The following VDR variants were observed in gnomAD, a reference collection of about 807,000 sequenced individuals.
The protein encoded by VDR is vitamin D receptor.
Under a neutral mutation model 39.7 loss-of-function variants are expected in VDR, and 19 were observed. The ratio of observed to expected loss-of-function variants is 0.48; its 90% CI spans 0.33 to 0.70. VDR has a LOEUF of 0.70. VDR is among the 30% of genes least tolerant of loss of function. The pLI is 0.02. For synonymous variants in VDR, 242 were observed against 215.8 expected (o/e 1.12, Z -1.07); for missense variants, 442 against 570.5 (o/e 0.77, Z 2.29).
intron 7 of VDR, among the ~76,000 whole-genome samples, chr12:47,853,335 C>A (rs1460727696): frequency 6.6e-6 from 1 of 151,462 alleles, no homozygotes; most frequent in Admixed American, 6.6e-5. Flanking sequence ...CCCAGCTACT[C>A]GGGAGACTGA....
At chr12:47,860,032 G>A (rs1317823701) in intron 4 of VDR, among the ~76,000 whole-genome samples, 19 of 150,326 alleles carry the variant, frequency 1.3e-4, no homozygotes, top group East Asian at 2.0e-4. Context: ...GCACCACCTC[G>A]GCTCACTGCA....
At chr12:47,855,024 C>G (rs1945453786) in intron 7 of VDR, among the ~76,000 whole-genome samples, 1 of 152,044 alleles carries the variant, frequency 6.6e-6, no homozygotes, top group Non-Finnish European at 1.5e-5. Flanking sequence ...GAAACTCCGT[C>G]TCTACTAAAA....
In VDR at chr12:47,845,229, C is replaced by T. The variant is rs564526388; in HGVS notation, c.1025-224G>A. Among the ~76,000 whole-genome samples the T allele has an allele frequency of 3.3e-5, 5 of 152,108 alleles. 1 individual carries two copies. The highest frequency in any genetic ancestry group is 1.2e-4 in the African/African-American group (5 of 41,496). On this transcript the variant is annotated intron_variant, in intron 9 of 9. Coordinates refer to ENST00000549336, the MANE Select transcript of VDR (RefSeq NM_000376.3). ...TAGGTCCTTCCATGGGCGCACCTGGCCCTGTCCCTGCCTGGCCTTGCTCCC... is the reference window on the plus strand; with the variant it reads ...TAGGTCCTTCCATGGGCGCACCTGGTCCTGTCCCTGCCTGGCCTTGCTCCC...
At chr12:47,900,097 A>G (rs892312421) in intron 1 of VDR, 21 of 297,634 alleles carry the variant, frequency 7.1e-5, no homozygotes, top group Non-Finnish European at 9.0e-5. Context: ...CTTCCAGACT[A>G]TTAGAGTCAT....
intron 1 of VDR, among the ~76,000 whole-genome samples, chr12:47,884,326 A>C (rs956138276): frequency 6.6e-6 from 1 of 152,152 alleles, no homozygotes; most frequent in African/African-American, 2.4e-5. Flanking sequence ...TAGCCCTCAC[A>C]ACAGTTCTGT....
At chr12:47,887,749 C>A (rs1946285039) in intron 1 of VDR, among the ~76,000 whole-genome samples, 1 of 152,220 alleles carries the variant, frequency 6.6e-6, no homozygotes, top group Non-Finnish European at 1.5e-5. Flanking sequence ...TTGGCTCTTT[C>A]CAGAGGAGGC....
chr12:47,883,403 A>T (rs1290504691), intron 1 of VDR, among the ~76,000 whole-genome samples: 1 of 152,142 alleles, frequency 6.6e-6, no homozygotes, highest in East Asian at 1.9e-4. Flanking sequence ...AATACAGCAA[A>T]GCATTGCTTT....
At chr12:47,862,385 C>T (rs1444155201) in intron 4 of VDR, among the ~76,000 whole-genome samples, 2 of 152,216 alleles carry the variant, frequency 1.3e-5, no homozygotes, top group Non-Finnish European at 2.9e-5. Context: ...CCTTTGGAAG[C>T]AGAAAGACCT....
At chr12:47,864,068 G>T (rs561059946) in intron 4 of VDR, among the ~76,000 whole-genome samples, 2 of 152,290 alleles carry the variant, frequency 1.3e-5, no homozygotes, top group African/African-American at 4.8e-5. Flanking sequence ...CGATTCCTCA[G>T]ACCCACAGCT....
intron 7 of VDR, among the ~76,000 whole-genome samples, chr12:47,852,118 C>T (rs1375214591): frequency 3.9e-5 from 6 of 152,108 alleles, no homozygotes; most frequent in African/African-American, 1.2e-4. Context: ...TGGAGTAATC[C>T]GATTTAATGA....
intron 1 of VDR, among the ~76,000 whole-genome samples, chr12:47,904,374 CT>C (rs1359794564): frequency 6.7e-6 from 1 of 149,244 alleles, no homozygotes; most frequent in African/African-American, 2.5e-5. Flanking sequence ...ATGCTTGCCC[CT>C]GAGTTCCTCT....
chr12:47,868,579 C>T (rs1470031234), intron 3 of VDR, among the ~76,000 whole-genome samples: 3 of 152,150 alleles, frequency 2.0e-5, no homozygotes, highest in Admixed American at 1.3e-4. Context: ...TCCCCAGAAA[C>T]GAGATACAAT....
At chr12:47,887,864 T>C (rs1946287372) in intron 1 of VDR, among the ~76,000 whole-genome samples, 2 of 152,226 alleles carry the variant, frequency 1.3e-5, no homozygotes. Flanking sequence ...GACACAGTAG[T>C]TGTAGGAAGG....
chr12:47,903,486 A>G (rs1946606015), intron 1 of VDR, among the ~76,000 whole-genome samples: 1 of 152,224 alleles, frequency 6.6e-6, no homozygotes, highest in Non-Finnish European at 1.5e-5. Context: ...ACTGTTTCAG[A>G]AAGACTCACA....
chr12:47,904,706 T>C, intron 1 of VDR: 1 of 1,456,328 alleles, frequency 6.9e-7, no homozygotes, highest in Non-Finnish European at 9.2e-7. Context: ...TAGCGGAGCA[T>C]TTCTCCTAAG....
chr12:47,859,021 G>A (rs908967250), intron 4 of VDR, among the ~76,000 whole-genome samples: 1 of 152,214 alleles, frequency 6.6e-6, no homozygotes, highest in Non-Finnish European at 1.5e-5. Flanking sequence ...TGACTCACCT[G>A]CCCAAACAGC....
At chr12:47,873,476 C>T (rs1945932218) in intron 3 of VDR, among the ~76,000 whole-genome samples, 2 of 148,468 alleles carry the variant, frequency 1.3e-5, no homozygotes, top group Admixed American at 6.8e-5. Context: ...ATTCTCCTGC[C>T]TCAGCCTCCC....
chr12:47,882,649 A>G lies in VDR; in HGVS notation c.-3+45T>C, dbSNP rs11574040. 9,202 of 277,228 alleles carry G rather than the reference A, an allele frequency of 0.033. 113 individuals carry two copies. The highest frequency in any genetic ancestry group is 0.077 in the Middle Eastern group (79 of 1,020). 17.2% of individuals were successfully genotyped at this position (277,228 alleles called of 1,614,324 possible). A position where few individuals can be genotyped will look rare whatever the true frequency, so the allele number is the denominator to read the frequency against. Reference sequence around the variant, plus strand: ...CCCCTCCCCCCCACCCCGCCCCTTGAAAACAGAAAGCCAGGGAAGTTGCGG... The same window carrying G: ...CCCCTCCCCCCCACCCCGCCCCTTGGAAACAGAAAGCCAGGGAAGTTGCGG... On this transcript the variant is annotated intron_variant, in intron 2 of 9. Transcript: ENST00000549336.
At chr12:47,883,114 G>A (rs1946191124) in intron 1 of VDR, among the ~76,000 whole-genome samples, 2 of 152,140 alleles carry the variant, frequency 1.3e-5, no homozygotes, top group Admixed American at 1.3e-4. Flanking sequence ...GGGAGGAAGG[G>A]CCTTTTCGTT....
Sources: allele counts gnomAD v4.1 joint callset (sites outside exome capture counted in the v4.1 genomes callset), GRCh38; gene constraint gnomAD v4.1.1; transcripts MANE v1.5; gene names NCBI Gene and HGNC (gene_info 2026-07-23, HGNC 2026-07-21).